The following CACNA2D3 variants were observed in gnomAD, a reference collection of about 807,000 sequenced individuals.
CACNA2D3 encodes voltage-dependent calcium channel subunit alpha-2/delta-3.
In CACNA2D3, 60 loss-of-function variants were observed where a neutral mutation model predicts 160.6. The observed-to-expected ratio is 0.37, with a 90% CI of 0.30 to 0.46. The LOEUF (loss-of-function observed/expected upper bound fraction) is 0.46, where lower values mean the gene tolerates loss of function less well. Among genes scored for constraint, CACNA2D3 ranks in the 20% least tolerant of loss-of-function variants. The pLI is 1.00. For missense variants in CACNA2D3, 1,205 were observed against 1,365.0 expected, an observed-to-expected ratio of 0.88 and a Z score of 1.85; for synonymous variants, 558 against 492.9, an observed-to-expected ratio of 1.13 and a Z score of -1.75.
intron 2 of CACNA2D3, among the ~76,000 whole-genome samples, chr3:54,245,208 C>G (rs1387148274): frequency 6.6e-6 from 1 of 151,866 alleles, no homozygotes; most frequent in Non-Finnish European, 1.5e-5. Flanking sequence ...AGAACACAGT[C>G]TTTTTATTTT....
chr3:54,879,591 G>T (rs1223196498), intron 20 of CACNA2D3, among the ~76,000 whole-genome samples, 180 bp downstream of exon 20: 1 of 152,096 alleles, frequency 6.6e-6, no homozygotes, highest in East Asian at 1.9e-4. Context: ...GGGGGGAGAT[G>T]GTTCAGGCTC....
At chr3:54,332,310 C>T (rs1173292032) in intron 3 of CACNA2D3, among the ~76,000 whole-genome samples, 1 of 152,178 alleles carries the variant, frequency 6.6e-6, no homozygotes, top group Non-Finnish European at 1.5e-5. Context: ...ATTCTCACAT[C>T]TCCTCTCTGA....
At chr3:55,021,088 T>G (rs1326489569) in intron 35 of CACNA2D3, among the ~76,000 whole-genome samples, 3 of 152,176 alleles carry the variant, frequency 2.0e-5, no homozygotes, top group African/African-American at 7.2e-5. Context: ...TCTTGAAGGC[T>G]TTGTAAAACT....
At position 54,712,674 on chromosome 3, in the gene CACNA2D3, A is replaced by C. The variant is rs1240365679; in HGVS notation, c.1168-39925A>C. Among the ~76,000 whole-genome samples the C allele has an allele frequency of 2.0e-5, 3 of 152,206 alleles. No individual in the cohort carries two copies. The East Asian group carries it at 5.8e-4, about 29-fold the overall frequency. On this transcript the variant is annotated intron_variant, in intron 11 of 37. Transcript: ENST00000474759. ...CAGTCTTGGGTATGTCTTTATCAGA[A>C]GCATGTAAACGGACTAATACAAAGA...
chr3:54,913,239 C>G (rs1700595310), intron 27 of CACNA2D3, among the ~76,000 whole-genome samples: 1 of 152,090 alleles, frequency 6.6e-6, no homozygotes, highest in African/African-American at 2.4e-5. Context: ...TGTGCCACCA[C>G]ATCTAATTAA....
At chr3:54,275,819 T>A (rs1425659293) in intron 2 of CACNA2D3, among the ~76,000 whole-genome samples, 1 of 152,088 alleles carries the variant, frequency 6.6e-6, no homozygotes, top group Non-Finnish European at 1.5e-5. Flanking sequence ...GGTTTCATCA[T>A]ATTGGCCAGG....
At chr3:54,448,210 C>T (rs763542056) in intron 4 of CACNA2D3, among the ~76,000 whole-genome samples, 2 of 152,172 alleles carry the variant, frequency 1.3e-5, no homozygotes, top group Non-Finnish European at 2.9e-5. Context: ...ATCTGCCTCC[C>T]TGGCAGCTCA....
At chr3:54,443,339 T>G (rs923840465) in intron 4 of CACNA2D3, among the ~76,000 whole-genome samples, 12 of 142,764 alleles carry the variant, frequency 8.4e-5, no homozygotes, top group Non-Finnish European at 1.2e-4. Context: ...TGTCTGTGTG[T>G]GGTGGGTGGG....
chr3:54,893,910 C>G (rs1359774217), intron 25 of CACNA2D3, among the ~76,000 whole-genome samples: 1 of 152,152 alleles, frequency 6.6e-6, no homozygotes, highest in East Asian at 1.9e-4. Flanking sequence ...CTTTCAACCA[C>G]CAAGAACAAA....
intron 27 of CACNA2D3, among the ~76,000 whole-genome samples, chr3:54,936,882 A>G (rs1022333990): frequency 3.3e-5 from 5 of 152,136 alleles, no homozygotes; most frequent in African/African-American, 1.2e-4. Context: ...TGTGATTCTA[A>G]TGAGGGCTGA....
intron 27 of CACNA2D3, among the ~76,000 whole-genome samples, chr3:54,946,885 G>A (rs556385425): frequency 1.3e-5 from 2 of 152,004 alleles, no homozygotes; most frequent in Non-Finnish European, 2.9e-5. Context: ...TGGAGCTGTA[G>A]TGTGAATGAT....
At chr3:54,823,373 TTAAC>T (rs902770567) in intron 14 of CACNA2D3, among the ~76,000 whole-genome samples, 2 of 150,746 alleles carry the variant, frequency 1.3e-5, no homozygotes, top group Admixed American at 6.6e-5. Flanking sequence ...CATTTTATTA[TTAAC>T]TTTTTTAAAA....
chr3:54,492,343 C>G (rs1157094447), intron 4 of CACNA2D3, among the ~76,000 whole-genome samples: 2 of 152,210 alleles, frequency 1.3e-5, no homozygotes, highest in Non-Finnish European at 2.9e-5. Flanking sequence ...CTGGACACTT[C>G]TGGAGTCATC....
intron 9 of CACNA2D3, among the ~76,000 whole-genome samples, chr3:54,622,982 G>T (rs1463935865): frequency 6.6e-6 from 1 of 152,158 alleles, no homozygotes; most frequent in Non-Finnish European, 1.5e-5. Context: ...GAGGGGCATA[G>T]GGGAGAAGAG....
intron 12 of CACNA2D3, among the ~76,000 whole-genome samples, chr3:54,762,062 G>C (rs1702090060): frequency 6.6e-6 from 1 of 152,130 alleles, no homozygotes; most frequent in South Asian, 2.1e-4. Context: ...ATGAGCCTAG[G>C]ATCCTTATTT....
At chr3:54,890,150 G>C (rs1700023494) in intron 24 of CACNA2D3, among the ~76,000 whole-genome samples, 1 of 152,202 alleles carries the variant, frequency 6.6e-6, no homozygotes, top group Non-Finnish European at 1.5e-5. Flanking sequence ...TTAGGACAGA[G>C]AAACAAGCTC....
At chr3:54,360,621 C>T (rs555056862) in intron 3 of CACNA2D3, among the ~76,000 whole-genome samples, 1 of 152,188 alleles carries the variant, frequency 6.6e-6, no homozygotes, top group African/African-American at 2.4e-5. Flanking sequence ...CAGTAGGAAT[C>T]TGGCTGTAGT....
intron 13 of CACNA2D3, among the ~76,000 whole-genome samples, chr3:54,788,472 T>C (rs925528835): frequency 6.6e-6 from 1 of 152,168 alleles, no homozygotes; most frequent in Admixed American, 6.5e-5. Flanking sequence ...TTAGTATCCA[T>C]TCAAGGAGCC....
intron 13 of CACNA2D3, among the ~76,000 whole-genome samples, chr3:54,787,485 G>A (rs564169552): frequency 1.5e-4 from 23 of 152,342 alleles, no homozygotes; most frequent in African/African-American, 5.5e-4. Flanking sequence ...CTTAGATTCA[G>A]TGACCAAAGC....
Sources: allele counts gnomAD v4.1 joint callset (sites outside exome capture counted in the v4.1 genomes callset), GRCh38; gene constraint gnomAD v4.1.1; transcripts MANE v1.5; gene names NCBI Gene and HGNC (gene_info 2026-07-23, HGNC 2026-07-21).